Variants in SETD1B observed in about 807,000 individuals in gnomAD.
The protein encoded by SETD1B is SET domain containing 1B, histone lysine methyltransferase.
Under a neutral mutation model 148.0 loss-of-function variants are expected in SETD1B, and 7 were observed. The ratio of observed to expected loss-of-function variants is 0.05; its 90% confidence interval spans 0.03 to 0.09. SETD1B has a LOEUF of 0.09. SETD1B is among the 10% of genes least tolerant of loss of function. SETD1B has a pLI of 1.00. For missense variants in SETD1B, 2,155 were observed against 2,729.9 expected (o/e 0.79, Z 4.69); for synonymous variants, 1,361 against 1,186.5 (o/e 1.15, Z -3.02).
the SETD1B span, among the ~76,000 whole-genome samples, chr12:121,795,007 G>C: frequency 2.0e-5 from 3 of 152,218 alleles, no homozygotes; most frequent in African/African-American, 7.2e-5. Flanking sequence ...CTCGGCAAGG[G>C]TCATGTAAAC....
chr12:121,823,572 C>A lies in SETD1B; in HGVS notation c.4993C>A (p.Pro1665Thr). Residue 1665 changes from proline (P) to threonine (T), a missense_variant, in exon 12 of 17, where the codon CCC (proline) becomes ACC (threonine). Transcript: ENST00000604567. The part of the protein sequence containing the change: ...PPAGSPELSP[P>T]QPLFRPRSEF... Reference sequence around the variant, plus strand: ...TGCGGGCTCGCCCGAACTCTCGCCACCCCAGCCCCTCTTCCGGCCCCGCTC... The same window carrying A: ...TGCGGGCTCGCCCGAACTCTCGCCAACCCAGCCCCTCTTCCGGCCCCGCTC... 1 of 1,551,150 alleles carries A rather than the reference C, an allele frequency of 6.4e-7. No individual in the cohort carries two copies. The highest frequency in any genetic ancestry group is 8.7e-7 in the Non-Finnish European group (1 of 1,146,834).
At chr12:121,826,188 G>C (rs140671836) in intron 13 of SETD1B, among the ~76,000 whole-genome samples, 65 of 152,290 alleles carry the variant, frequency 4.3e-4, no homozygotes, top group African/African-American at 1.5e-3. Context: ...TGAGATTATA[G>C]GTGTGAGCCA....
intron 6 of SETD1B, among the ~76,000 whole-genome samples, chr12:121,813,435 C>T (rs1876136339): frequency 6.6e-6 from 1 of 152,264 alleles, no homozygotes; most frequent in Non-Finnish European, 1.5e-5. Flanking sequence ...ACTGAGAGCA[C>T]AGGCTGCAGA....
At chr12:121,797,029 C>CAAA in the SETD1B span, among the ~76,000 whole-genome samples, 2 of 98,170 alleles carry the variant, frequency 2.0e-5, no homozygotes, top group Non-Finnish European at 2.2e-5. Context: ...AACTCTGTCT[C>CAAA]AAAAAAAAAA....
In SETD1B at chr12:121,808,426, C is replaced by T; in HGVS notation, c.657+106C>T. ...TATGGGACCCCCAGCCTACCCCCACCTCACTCCAGCTTTGGAGACCAAGGC... is the reference window on the plus strand; with the variant it reads ...TATGGGACCCCCAGCCTACCCCCACTTCACTCCAGCTTTGGAGACCAAGGC... On this transcript the variant is annotated intron_variant, in intron 5 of 16. Coordinates refer to ENST00000604567, the MANE Select transcript of SETD1B (RefSeq NM_001353345.2). The surrounding 1 kb of genome is among the most constrained non-coding windows in gnomAD (Gnocchi z 5.3). 1.4e-6 allele frequency: 1 copy of T among 689,726 alleles called. No homozygotes were observed. Among genetic ancestry groups the T allele is most frequent in the South Asian group, 1.8e-5 (1 of 56,608 alleles). 42.7% of individuals were successfully genotyped at this position (689,726 alleles called of 1,614,324 possible). A position where few individuals can be genotyped will look rare whatever the true frequency, so the allele number is the denominator to read the frequency against.
Position 121,810,881 on chromosome 12 carries a change from T to C in SETD1B, c.1890+46T>C, listed in dbSNP as rs1447212365. On this transcript the variant is annotated intron_variant, in intron 6 of 16. Coordinates refer to ENST00000604567, the MANE Select transcript of SETD1B (RefSeq NM_001353345.2). This position sits in a 1 kb window ranked among gnomAD's most constrained non-coding sequence, Gnocchi z 7.6. ...CTGTCTGGGACTGGTTTTGTCTATC[T>C]TGTATCTCCCTTTCCCCCTTCAAGC... 6.9e-7 allele frequency: 1 copy of C among 1,449,756 alleles called. No individual in the cohort carries two copies. Among genetic ancestry groups the C allele is most frequent in the Non-Finnish European group, 9.1e-7 (1 of 1,095,836 alleles). The allele number at this position is 1,449,756 out of a possible 1,614,324, so 89.8% of individuals were successfully genotyped here. A position where few individuals can be genotyped will look rare whatever the true frequency, so the allele number is the denominator to read the frequency against.
intron 12 of SETD1B, among the ~76,000 whole-genome samples, chr12:121,824,308 C>T (rs1272398377): frequency 6.6e-6 from 1 of 152,170 alleles, no homozygotes; most frequent in Non-Finnish European, 1.5e-5. Flanking sequence ...TCTCATTATC[C>T]CTGCTGTATT....
chr12:121,810,227 T>C lies in SETD1B; in HGVS notation c.1282T>C (p.Phe428Leu), dbSNP rs772622535. Residue 428 changes from phenylalanine to leucine, a missense_variant, in exon 6 of 17, where the codon TTC (phenylalanine) becomes CTC (leucine). Phe to Leu is a conservative substitution (Grantham distance 22, BLOSUM62 0). Around this residue, in one of 11 missense-constraint regions of SETD1B, gnomAD observed 376 missense variants for 385.0 expected, o/e 0.98. Coordinates refer to ENST00000604567, the MANE Select transcript of SETD1B (RefSeq NM_001353345.2). This position sits in a 1 kb window ranked among gnomAD's most constrained non-coding sequence, Gnocchi z 7.6. Reference sequence around the variant, plus strand: ...TTTTGGGGCCCGCGACAGTGGGGAGTTCCGGAGGGCACCGGCGCCCCCACC... The same window carrying C: ...TTTTGGGGCCCGCGACAGTGGGGAGCTCCGGAGGGCACCGGCGCCCCCACC... ...AAFGARDSGE[F>L]RRAPAPPPLP... 3.1e-4 allele frequency: 486 copies of C among 1,547,478 alleles called. No homozygotes were observed. Among genetic ancestry groups the C allele is most frequent in the Non-Finnish European group, 4.0e-4 (455 of 1,146,594 alleles).
At chr12:121,825,528 A>C (rs1238908392) in intron 13 of SETD1B, among the ~76,000 whole-genome samples, 162 bp downstream of exon 13, 1 of 152,144 alleles carries the variant, frequency 6.6e-6, no homozygotes, top group Non-Finnish European at 1.5e-5. Flanking sequence ...GGCGGGGCCT[A>C]GGAGAAGGAA....
In SETD1B at chr12:121,817,091, A is replaced by G. The variant is rs1876326485; in HGVS notation, c.2774A>G (p.Lys925Arg). 4 of 1,548,708 alleles carry G rather than the reference A, an allele frequency of 2.6e-6. No individual in the cohort carries two copies. Among genetic ancestry groups the G allele is most frequent in the African/African-American group, 1.4e-5 (1 of 73,050 alleles). Residue 925 changes from lysine (K) to arginine (R), a missense_variant, in exon 8 of 17, where the codon AAG becomes AGG. Physicochemically the swap from Lys to Arg is conservative, Grantham distance 26. This residue lies in a region of SETD1B where 289 missense variants were observed against 423.7 expected (regional missense o/e 0.68). Coordinates refer to ENST00000604567, the MANE Select transcript of SETD1B (RefSeq NM_001353345.2). The surrounding 1 kb of genome is among the most constrained non-coding windows in gnomAD (Gnocchi z 8.1). ...EHKDEDRPKPKDRIASCLLES... is the reference protein window; with the variant it reads ...EHKDEDRPKPRDRIASCLLES... The stretch of plus-strand genomic sequence containing the variant: ...AAGGACGAGGACAGGCCGAAGCCCA[A>G]GGACCGCATCGCCTCGTGCCTGCTG...
the SETD1B span, among the ~76,000 whole-genome samples, chr12:121,796,804 G>C: frequency 6.6e-6 from 1 of 152,208 alleles, no homozygotes; most frequent in Non-Finnish European, 1.5e-5. Flanking sequence ...CACTTTGGGA[G>C]GCCGAGGTGG....
rs1247636613 is a variant in SETD1B at position 121,809,836 on chromosome 12, A to T, written c.891A>T (p.Ser297=). The change falls in exon 6 of 17, where the codon TCA becomes TCT. Residue 297 remains serine, a synonymous_variant. Coordinates refer to ENST00000604567, the MANE Select transcript of SETD1B (RefSeq NM_001353345.2). ...SSYSSRQPTP[S]YLFSQDPAVT... ...ACTCCAGCCGCCAGCCCACACCCTC[A>T]TACCTCTTCAGCCAGGACCCTGCAG... is the stretch of plus-strand genomic sequence containing the variant. The T allele has an allele frequency of 1.3e-6, 2 of 1,551,408 alleles. No individual in the cohort carries two copies. Among genetic ancestry groups the T allele is most frequent in the South Asian group, 2.4e-5 (2 of 84,060 alleles).
rs1200880861 is a variant in SETD1B at position 121,805,036 on chromosome 12, T to C, written c.175-82T>C. On this transcript the variant is annotated intron_variant, in intron 2 of 16. Transcript: ENST00000604567. This position sits in a 1 kb window ranked among gnomAD's most constrained non-coding sequence, Gnocchi z 4.2. ...CAGACGGGGCCCCAGCCCTGGAGTT[T>C]GACAAGTGCCTCGAGAAAGGGGTCT... 1 of 1,489,388 alleles carries C rather than the reference T, an allele frequency of 6.7e-7. No individual in the cohort carries two copies. Among genetic ancestry groups the C allele is most frequent in the East Asian group, 2.5e-5 (1 of 40,234 alleles). The allele number at this position is 1,489,388 out of a possible 1,614,324, so 92.3% of individuals were successfully genotyped here.
At position 121,828,019 on chromosome 12, in the gene SETD1B, C is replaced by T. The variant is rs370042778; in HGVS notation, c.5676C>T (p.Ile1892=). The change falls in exon 16 of 17, where the codon ATC becomes ATT. Residue 1892 remains isoleucine (I), a synonymous_variant. Coordinates refer to ENST00000604567, the MANE Select transcript of SETD1B (RefSeq NM_001353345.2). The part of the protein sequence containing the change: ...YMFRVDHDTI[I]DATKCGNFAR... ...TCCGGGTGGACCATGACACCATCAT[C>T]GACGCCACCAAGTGCGGCAACTTCG... 1.5e-4 allele frequency: 240 copies of T among 1,552,118 alleles called. No homozygotes were observed. Among genetic ancestry groups the T allele is most frequent in the African/African-American group, 1.9e-4 (14 of 73,078 alleles).
In SETD1B at chr12:121,814,101, T is replaced by C. The variant is rs1475547369; in HGVS notation, c.1891-5T>C. 1.3e-6 allele frequency: 2 copies of C among 1,546,490 alleles called. No individual in the cohort carries two copies. Among genetic ancestry groups the C allele is most frequent in the South Asian group, 2.4e-5 (2 of 83,828 alleles). On this transcript the variant is annotated splice_region_variant and splice_polypyrimidine_tract_variant and intron_variant, in intron 6 of 16. Transcript: ENST00000604567. ...CCTCACTGTCTCTCCCTGCTCTCTC[T>C]GCAGGGCCAGCAGTCCTCAGGCGAG...
intron 16 of SETD1B, 106 bp downstream of exon 16, chr12:121,828,176 T>A (rs1876931979): frequency 6.9e-7 from 1 of 1,440,076 alleles, no homozygotes; most frequent in Non-Finnish European, 9.3e-7. Flanking sequence ...CTCGGCCTCC[T>A]TCCCAAGCTC....
rs1877082164 is a variant in SETD1B, at chr12:121,831,303, C to G, written c.*1064C>G. ...CGGCAGCCCCTCAACCTAAGAAGGC[C>G]AGAGCATATTTATTTTCGGAGGGAG... is the stretch of plus-strand genomic sequence containing the variant. On this transcript the variant is annotated 3_prime_UTR_variant, in exon 17 of 17. Coordinates refer to ENST00000604567, the MANE Select transcript of SETD1B (RefSeq NM_001353345.2). 1 of 152,090 alleles carries G rather than the reference C, an allele frequency of 6.6e-6. No homozygotes were observed. The highest frequency in any genetic ancestry group is 1.5e-5 in the Non-Finnish European group (1 of 68,010). 9.4% of individuals were successfully genotyped at this position (152,090 alleles called of 1,614,324 possible).
chr12:121,793,692 G>A, the SETD1B span: 1 of 1,424,072 alleles, frequency 7.0e-7, no homozygotes, highest in Non-Finnish European at 9.1e-7. Context: ...CCAAGAGGTC[G>A]GGGGCGGGGC....
upstream of SETD1B, chr12:121,803,047 C>T (rs1875474049): frequency 6.8e-6 from 1 of 147,078 alleles, no homozygotes; most frequent in South Asian, 2.2e-4. This position sits in a 1 kb window ranked among gnomAD's most constrained non-coding sequence, Gnocchi z 4.7. Flanking sequence ...AATTACCTAC[C>T]CACGGCCAAA....
Sources: gnomAD v4.1 joint callset for allele counts (sites outside exome capture counted in the v4.1 genomes callset) on GRCh38, gnomAD v4.1.1 for gene constraint, gnomAD v4.1.1 regional missense constraint, Gnocchi (gnomAD v3.1) non-coding constraint, MANE v1.5 for transcripts, NCBI Gene and HGNC (gene_info 2026-07-23, HGNC 2026-07-21) for gene names.